Variants in CDH12 observed in about 807,000 individuals in gnomAD.
CDH12 encodes the protein cadherin 12.
Under a neutral mutation model 74.1 loss-of-function variants are expected in CDH12, and 41 were observed. The observed-to-expected ratio is 0.55, with a 90% CI of 0.43 to 0.72. The LOEUF is 0.72. Among genes scored for constraint, CDH12 ranks in the 30% least tolerant of loss-of-function variants. The probability of loss-of-function intolerance (pLI) is 0.00; values close to 1 mark genes in which losing one functional copy is unlikely to be tolerated. For synonymous variants in CDH12, 399 were observed against 355.0 expected, an observed-to-expected ratio of 1.12 and a Z score of -1.39; for missense variants, 945 against 977.2, an observed-to-expected ratio of 0.97 and a Z score of 0.44.
rs560175613 is a variant in CDH12, at chr5:22,520,955, C to T, written c.-522-15591G>A. On this transcript the variant is annotated intron_variant, in intron 1 of 14. Coordinates refer to ENST00000382254, the MANE Select transcript of CDH12 (RefSeq NM_004061.5). ...TAGCTCCATTGCATTATTTGTGTGACAAGCAATCAAGCTTGCTCCCCTTCT... is the reference window on the plus strand; with the variant it reads ...TAGCTCCATTGCATTATTTGTGTGATAAGCAATCAAGCTTGCTCCCCTTCT... 1.3e-3 allele frequency among the ~76,000 whole-genome samples: 197 copies of T among 151,296 alleles called. 1 individual carries two copies. Among genetic ancestry groups the T allele is most frequent in the Non-Finnish European group, 2.2e-3 (148 of 67,816 alleles).
intron 4 of CDH12, among the ~76,000 whole-genome samples, chr5:22,179,426 C>A (rs1397737806): frequency 1.3e-5 from 2 of 152,078 alleles, no homozygotes; most frequent in African/African-American, 4.8e-5. Flanking sequence ...GTCTTAAAAG[C>A]AATTAAATTT....
chr5:22,560,007 G>C (rs1738969121), intron 1 of CDH12, among the ~76,000 whole-genome samples: 1 of 152,106 alleles, frequency 6.6e-6, no homozygotes, highest in South Asian at 2.1e-4. Flanking sequence ...TCAGAAAGCT[G>C]AATCTGAAAG....
rs1269556777 is a variant in CDH12, at chr5:21,883,921, T to G, written c.527-29131A>C. ...ATTGTTTTGGGAGGGGGTTTTGCCC[T>G]CCTTCGATGCATTCCAGCCTTGGAC... On this transcript the variant is annotated intron_variant, in intron 6 of 14. Transcript: ENST00000382254. 5 of 1,608,716 alleles carry G rather than the reference T, an allele frequency of 3.1e-6. No individual in the cohort carries two copies. In the Admixed American group the frequency reaches 6.7e-5, roughly 21 times the overall value.
chr5:22,771,127 G>T (rs1383300144), intron 1 of CDH12, among the ~76,000 whole-genome samples: 1 of 152,028 alleles, frequency 6.6e-6, no homozygotes, highest in Admixed American at 6.6e-5. Context: ...TAAGACTACT[G>T]ACTGTTCCAA....
In CDH12 at chr5:22,382,124, TATATTATAAAC is replaced by T. The variant is rs576241498; in HGVS notation, c.-333+23122_-333+23132del. Among the ~76,000 whole-genome samples the T allele has an allele frequency of 3.6e-3, 530 of 146,222 alleles. 13 individuals carry two copies. The highest frequency in any genetic ancestry group is 0.032 in the Admixed American group (470 of 14,480). On this transcript the variant is annotated intron_variant, in intron 3 of 14. Transcript: ENST00000382254. ...TAATATATATTTATAATATATCACA[TATATTATAAAC>T]ATGTTTATATATTTATAATATATAC...
chr5:22,415,749 A>G (rs1295398483), intron 2 of CDH12, among the ~76,000 whole-genome samples: 4 of 152,194 alleles, frequency 2.6e-5, no homozygotes, highest in Non-Finnish European at 5.9e-5. Context: ...TATGTATCAC[A>G]AGTTTTACTG....
In CDH12 at chr5:22,683,340, C is replaced by T. The variant is rs116234643; in HGVS notation, c.-523+169718G>A. Reference sequence around the variant, plus strand: ...ACAGTGATTTGTAGCTAAATCAGTCCTCACCGGAGGAGATTCAGGGTTATT... The same window carrying T: ...ACAGTGATTTGTAGCTAAATCAGTCTTCACCGGAGGAGATTCAGGGTTATT... On this transcript the variant is annotated intron_variant, in intron 1 of 14. Transcript: ENST00000382254. Among the ~76,000 whole-genome samples the T allele has an allele frequency of 2.9e-3, 447 of 152,144 alleles. 6 individuals are homozygous for T. The highest frequency in any genetic ancestry group is 0.011 in the African/African-American group (438 of 41,518).
chr5:21,918,573 G>C lies in CDH12; in HGVS notation c.526+56518C>G, dbSNP rs560473690. Among the ~76,000 whole-genome samples, 6 of 152,212 alleles carry C rather than the reference G, an allele frequency of 3.9e-5. No individual in the cohort carries two copies. The South Asian group carries it at 1.2e-3, about 32-fold the overall frequency. On this transcript the variant is annotated intron_variant, in intron 6 of 14. Transcript: ENST00000382254. ...AAGGCACCTTCTTCACAAGGTGCCA[G>C]GAAGGAGAAGTGCAAGCAGAGGAAA...
At chr5:21,859,140 C>A (rs1030264050) in intron 6 of CDH12, among the ~76,000 whole-genome samples, 1 of 151,808 alleles carries the variant, frequency 6.6e-6, no homozygotes, top group East Asian at 1.9e-4. Context: ...ACTCAGTTTC[C>A]CCTAACCACC....
chr5:22,486,497 G>C (rs1746603690), intron 2 of CDH12, among the ~76,000 whole-genome samples: 1 of 149,088 alleles, frequency 6.7e-6, no homozygotes, highest in African/African-American at 2.5e-5. Context: ...TGTTGCCCAG[G>C]CTGGAGTTCA....
At chr5:22,132,763 G>T (rs1007594613) in intron 4 of CDH12, among the ~76,000 whole-genome samples, 4 of 152,084 alleles carry the variant, frequency 2.6e-5, no homozygotes. Flanking sequence ...CACTGAAGGA[G>T]TGAGGGAGTC....
At chr5:22,074,833 G>C (rs1383959600) in intron 5 of CDH12, among the ~76,000 whole-genome samples, 1 of 152,088 alleles carries the variant, frequency 6.6e-6, no homozygotes, top group Non-Finnish European at 1.5e-5. Context: ...ATGATGTGGA[G>C]AAATAGGAAC....
chr5:22,256,338 T>C (rs1293414843), intron 3 of CDH12, among the ~76,000 whole-genome samples: 1 of 152,134 alleles, frequency 6.6e-6, no homozygotes, highest in Non-Finnish European at 1.5e-5. Flanking sequence ...CTAGTGACAC[T>C]GTAGCCACCT....
Position 22,615,876 on chromosome 5 carries a change from T to C in CDH12, c.-522-110512A>G, listed in dbSNP as rs1270863907. 2.0e-5 allele frequency among the ~76,000 whole-genome samples: 3 copies of C among 152,068 alleles called. No homozygotes were observed. The East Asian group carries it at 5.8e-4, about 29-fold the overall frequency. On this transcript the variant is annotated intron_variant, in intron 1 of 14. Coordinates refer to ENST00000382254, the MANE Select transcript of CDH12 (RefSeq NM_004061.5). ...GTGTAAGCTTTGAGGGGGTAGATCA[T>C]CCACAGACACTGAAATCTTTGGGTA...
At chr5:21,998,356 A>C (rs1736416097) in intron 5 of CDH12, among the ~76,000 whole-genome samples, 1 of 152,114 alleles carries the variant, frequency 6.6e-6, no homozygotes, top group Non-Finnish European at 1.5e-5. Context: ...AAATATATAT[A>C]TACATTTGCA....
chr5:21,831,329 C>CA (rs1749009937), intron 8 of CDH12, among the ~76,000 whole-genome samples: 1 of 152,162 alleles, frequency 6.6e-6, no homozygotes, highest in Non-Finnish European at 1.5e-5. Context: ...CCCCATCTCT[C>CA]ACTATCTCTT....
chr5:22,028,829 G>C (rs1281972576), intron 5 of CDH12, among the ~76,000 whole-genome samples: 1 of 152,162 alleles, frequency 6.6e-6, no homozygotes, highest in South Asian at 2.1e-4. Context: ...AAAGAACAAA[G>C]CTGGAGGCAT....
intron 6 of CDH12, among the ~76,000 whole-genome samples, chr5:21,879,266 T>A (rs1482502867): frequency 6.6e-6 from 1 of 152,230 alleles, no homozygotes; most frequent in African/African-American, 2.4e-5. Flanking sequence ...TCATTACTAT[T>A]TCATAGGATA....
chr5:22,130,517 C>T (rs1013669344), intron 4 of CDH12, among the ~76,000 whole-genome samples: 7 of 151,850 alleles, frequency 4.6e-5, no homozygotes, highest in Non-Finnish European at 1.0e-4. Context: ...ATTTTTTAGT[C>T]ATAGGGAAAA....
Sources: gnomAD v4.1 joint callset for allele counts (sites outside exome capture counted in the v4.1 genomes callset) on GRCh38, gnomAD v4.1.1 for gene constraint, MANE v1.5 for transcripts, NCBI Gene and HGNC (gene_info 2026-07-23, HGNC 2026-07-21) for gene names.